The following PLPPR5 variants were observed in gnomAD, a reference collection of about 807,000 sequenced individuals.
The protein encoded by PLPPR5 is phospholipid phosphatase related 5.
Under a neutral mutation model 33.9 loss-of-function variants are expected in PLPPR5, and 16 were observed. The observed-to-expected ratio is 0.47, with a 90% CI of 0.32 to 0.72. The LOEUF (loss-of-function observed/expected upper bound fraction) is 0.72. Among genes scored for constraint, PLPPR5 ranks in the 30% least tolerant of loss-of-function variants. The pLI is 0.03. For synonymous variants in PLPPR5, 163 were observed against 150.3 expected (o/e 1.08, Z -0.62); for missense variants, 301 against 406.7 (o/e 0.74, Z 2.23).
intron 5 of PLPPR5, among the ~76,000 whole-genome samples, chr1:98,903,762 C>T (rs1236404244): frequency 6.6e-6 from 1 of 152,076 alleles, no homozygotes; most frequent in Admixed American, 6.6e-5. Flanking sequence ...TACAGGGAAA[C>T]CATCATTGTA....
rs751478734 is a variant in PLPPR5, at chr1:98,956,663, T to C, written c.316A>G (p.Thr106Ala). 17 of 1,602,898 alleles carry C rather than the reference T, an allele frequency of 1.1e-5. No homozygotes were observed. In the Admixed American group the frequency reaches 3.0e-4, roughly 28 times the overall value. Residue 106 changes from threonine to alanine, a missense_variant, in exon 2 of 6, where the codon ACT (threonine) becomes GCT (alanine). Thr to Ala is a moderately conservative substitution (Grantham distance 58). Transcript: ENST00000263177. The stretch of plus-strand genomic sequence containing the variant: ...GGGTTTATATAGCAACAGTCTCCAG[T>C]TAAAATAGTTTTTTCCTGGTTTTCA... Reference protein sequence around the residue: ...DFENQEKTILTGDCCYINPLV... With the variant: ...DFENQEKTILAGDCCYINPLV...
At chr1:98,894,087 C>A (rs1467348736) in intron 5 of PLPPR5, among the ~76,000 whole-genome samples, 1 of 151,590 alleles carries the variant, frequency 6.6e-6, no homozygotes, top group Non-Finnish European at 1.5e-5. Flanking sequence ...CATATTAAAC[C>A]ACACAAAAGG....
At chr1:99,004,289 T>A (rs893415880) in intron 1 of PLPPR5, 146 bp downstream of exon 1, 1 of 684,554 alleles carries the variant, frequency 1.5e-6, no homozygotes, top group Non-Finnish European at 2.4e-6. Flanking sequence ...CGCCCTAGAA[T>A]GTCCTCTGGG....
intron 1 of PLPPR5, among the ~76,000 whole-genome samples, chr1:98,978,706 G>A (rs1651953914): frequency 6.6e-6 from 1 of 151,954 alleles, no homozygotes; most frequent in African/African-American, 2.4e-5. Context: ...CAGATCTGTT[G>A]TGAAAATTAA....
At chr1:98,959,424 T>C (rs1651145578) in intron 1 of PLPPR5, among the ~76,000 whole-genome samples, 1 of 152,212 alleles carries the variant, frequency 6.6e-6, no homozygotes, top group South Asian at 2.1e-4. Context: ...AGAAACCCAC[T>C]TGAACTATGT....
At position 98,932,633 on chromosome 1, in the gene PLPPR5, CTG is replaced by C. The variant is rs1175660942; in HGVS notation, c.622-10577_622-10576del. On this transcript the variant is annotated intron_variant, in intron 3 of 5. Coordinates refer to ENST00000263177, the MANE Select transcript of PLPPR5 (RefSeq NM_001037317.2). ...TATTTTGGAAATGACCTCTAAGAAA[CTG>C]TATTATTTTCCAGGAATCTATTGAT... is the stretch of plus-strand genomic sequence containing the variant. Among the ~76,000 whole-genome samples, 11 of 152,274 alleles carry C rather than the reference CTG, an allele frequency of 7.2e-5. No individual in the cohort carries two copies. The South Asian group carries it at 1.9e-3, about 26-fold the overall frequency.
At chr1:98,900,193 A>G (rs901630643) in intron 5 of PLPPR5, among the ~76,000 whole-genome samples, 4 of 151,918 alleles carry the variant, frequency 2.6e-5, no homozygotes, top group African/African-American at 9.7e-5. Flanking sequence ...CTCCTTCTGG[A>G]CCCTACAGTT....
At chr1:98,974,149 A>G (rs934446280) in intron 1 of PLPPR5, among the ~76,000 whole-genome samples, 8 of 152,062 alleles carry the variant, frequency 5.3e-5, no homozygotes, top group African/African-American at 1.9e-4. Flanking sequence ...AATAAAGAGA[A>G]GCAAACAAAG....
chr1:98,915,605 T>TA (rs995238237), intron 4 of PLPPR5, among the ~76,000 whole-genome samples: 26 of 150,866 alleles, frequency 1.7e-4, no homozygotes, highest in South Asian at 8.4e-4. Context: ...CCTGATGTTC[T>TA]AAAAAAAAAG....
intron 1 of PLPPR5, among the ~76,000 whole-genome samples, chr1:98,988,162 T>C (rs1393880522): frequency 6.6e-6 from 1 of 152,106 alleles, no homozygotes; most frequent in Admixed American, 6.6e-5. Flanking sequence ...AAGTCTAAAG[T>C]CCACTTTGAT....
chr1:98,892,859 A>C lies in PLPPR5; in HGVS notation c.*213T>G, dbSNP rs547976644. On this transcript the variant is annotated 3_prime_UTR_variant, in exon 6 of 6. Transcript: ENST00000263177. ...CTACTTTGTGCTAGGCTTTGTTGTAAGTGCTGGGGACACAGAAAAAAAAAG... is the reference window on the plus strand; with the variant it reads ...CTACTTTGTGCTAGGCTTTGTTGTACGTGCTGGGGACACAGAAAAAAAAAG... 2 of 485,556 alleles carry C rather than the reference A, an allele frequency of 4.1e-6. No individual in the cohort carries two copies. Among genetic ancestry groups the C allele is most frequent in the Admixed American group, 8.3e-5 (2 of 24,152 alleles). 30.1% of individuals were successfully genotyped at this position (485,556 alleles called of 1,614,324 possible).
chr1:98,933,059 C>T (rs1461587680), intron 3 of PLPPR5, among the ~76,000 whole-genome samples: 1 of 152,132 alleles, frequency 6.6e-6, no homozygotes, highest in Non-Finnish European at 1.5e-5. Flanking sequence ...ATTCACATTT[C>T]TACCTCAAAA....
At chr1:98,987,701 A>G (rs1231753592) in intron 1 of PLPPR5, among the ~76,000 whole-genome samples, 2 of 151,914 alleles carry the variant, frequency 1.3e-5, no homozygotes, top group African/African-American at 2.4e-5. Context: ...AAGAATTTCT[A>G]TCACTCTAAT....
intron 1 of PLPPR5, among the ~76,000 whole-genome samples, chr1:98,958,404 T>TA (rs35821649): frequency 6.6e-6 from 1 of 152,066 alleles, no homozygotes; most frequent in Non-Finnish European, 1.5e-5. Flanking sequence ...TTTCTTTTTT[T>TA]AACTATACTT....
At chr1:98,937,339 G>A (rs934678919) in intron 3 of PLPPR5, among the ~76,000 whole-genome samples, 2 of 152,104 alleles carry the variant, frequency 1.3e-5, no homozygotes, top group African/African-American at 4.8e-5. Flanking sequence ...TTGCATTCTT[G>A]AATCTTCCCT....
chr1:98,994,008 T>A (rs1477843807), intron 1 of PLPPR5, among the ~76,000 whole-genome samples: 1 of 152,132 alleles, frequency 6.6e-6, no homozygotes, highest in Non-Finnish European at 1.5e-5. Context: ...CTCTATAATT[T>A]CATAAGTATT....
chr1:98,906,403 T>TGGAAA (rs1648904722), intron 5 of PLPPR5, among the ~76,000 whole-genome samples: 3 of 152,072 alleles, frequency 2.0e-5, no homozygotes, highest in Non-Finnish European at 4.4e-5. Context: ...GGATCTGCTC[T>TGGAAA]AGGCCACAGG....
chr1:99,004,211 G>C (rs376995453), intron 1 of PLPPR5: 16 of 548,388 alleles, frequency 2.9e-5, no homozygotes, highest in East Asian at 1.9e-4. Context: ...CAACGCTGAA[G>C]CCACCGCGGG....
Position 98,953,317 on chromosome 1 carries a change from A to C in PLPPR5, c.374T>G (p.Ile125Ser), listed in dbSNP as rs1242415402. Residue 125 changes from isoleucine to serine, a missense_variant, in exon 3 of 6, where the codon ATT becomes AGT. Coordinates refer to ENST00000263177, the MANE Select transcript of PLPPR5 (RefSeq NM_001037317.2). ...LVRRTVRFLG[I>S]YTFGLFATDI... Reference sequence around the variant, plus strand: ...TGTAGCAAACAGTCCAAATGTATAAATTCCTGGGGAAGAAAACAAATAATT... The same window carrying C: ...TGTAGCAAACAGTCCAAATGTATAACTTCCTGGGGAAGAAAACAAATAATT... 6.2e-7 allele frequency: 1 copy of C among 1,612,784 alleles called. No individual in the cohort carries two copies. The highest frequency in any genetic ancestry group is 1.7e-5 in the Admixed American group (1 of 59,932).
Sources: gnomAD v4.1 joint callset for allele counts (sites outside exome capture counted in the v4.1 genomes callset) on GRCh38, gnomAD v4.1.1 for gene constraint, MANE v1.5 for transcripts, NCBI Gene and HGNC (gene_info 2026-07-23, HGNC 2026-07-21) for gene names.